Variants in TNS4 observed in about 807,000 individuals in gnomAD.
TNS4 encodes the protein tensin-4.
In TNS4, 46 loss-of-function variants were observed where a neutral mutation model predicts 70.4. That is an observed-to-expected ratio of 0.65 (90% CI 0.52 to 0.84). TNS4 has a LOEUF of 0.84. Ranked by LOEUF, TNS4 falls within the 40% of genes least tolerant of loss-of-function variation. TNS4 has a pLI of 0.00. For missense variants in TNS4, 863 were observed against 907.0 expected (o/e 0.95, Z 0.62); for synonymous variants, 390 against 366.6 (o/e 1.06, Z -0.73).
At chr17:40,495,923 A>G (rs1408861235) in intron 2 of TNS4, 64 bp downstream of exon 2, 2 of 1,525,354 alleles carry the variant, frequency 1.3e-6, no homozygotes, top group African/African-American at 2.8e-5. Flanking sequence ...ACATAGGAAA[A>G]TCCTTCTTCC....
At chr17:40,493,583 G>A (rs752003657) in intron 2 of TNS4, among the ~76,000 whole-genome samples, 7 of 152,210 alleles carry the variant, frequency 4.6e-5, no homozygotes, top group Non-Finnish European at 8.8e-5. Flanking sequence ...CCAGGCAGAC[G>A]TTAGAGGAAG....
At chr17:40,478,176 G>T in intron 12 of TNS4, 131 bp downstream of exon 12, 1 of 1,201,882 alleles carries the variant, frequency 8.3e-7, no homozygotes, top group Non-Finnish European at 1.2e-6. Context: ...CCCATCAGAT[G>T]GGAGCTCCCT....
chr17:40,482,618 A>G (rs1456419981), intron 6 of TNS4, among the ~76,000 whole-genome samples: 1 of 145,392 alleles, frequency 6.9e-6, no homozygotes, highest in East Asian at 2.1e-4. Flanking sequence ...ACACACACAC[A>G]GTCACACACA....
In TNS4 at chr17:40,480,602, C is replaced by CTGTGCGTG. The variant is rs2035908790; in HGVS notation, c.1741+90_1741+97dup. 3 of 1,177,960 alleles carry CTGTGCGTG rather than the reference C, an allele frequency of 2.5e-6. No individual in the cohort carries two copies. The South Asian group carries it at 6.2e-5, about 25-fold the overall frequency. 73.0% of individuals were successfully genotyped at this position (1,177,960 alleles called of 1,614,324 possible). Reference sequence around the variant, plus strand: ...GCTGAGATGGGAAACACGTGTGTGCCTGTGCGTGTGTGCGTGCATGCGTGC... The same window carrying CTGTGCGTG: ...GCTGAGATGGGAAACACGTGTGTGCCTGTGCGTGTGTGCGTGTGTGCGTGCATGCGTGC... On this transcript the variant is annotated intron_variant, in intron 9 of 12. Transcript: ENST00000254051.
intron 2 of TNS4, among the ~76,000 whole-genome samples, chr17:40,495,619 G>T (rs557196942): frequency 6.6e-6 from 1 of 152,170 alleles, no homozygotes; most frequent in African/African-American, 2.4e-5. Flanking sequence ...GGGGGCCCAG[G>T]TTAGGCTCTG....
Position 40,488,499 on chromosome 17 carries a change from C to T in TNS4, c.863+47G>A, listed in dbSNP as rs369331633. ...AGTGATTTTAGGGGGTGCATGCGTG[C>T]GTGTGCCTGTGTGTGTGTGTGCAAT... On this transcript the variant is annotated intron_variant, in intron 3 of 12. Coordinates refer to ENST00000254051, the MANE Select transcript of TNS4 (RefSeq NM_032865.6). 1.2e-4 allele frequency: 177 copies of T among 1,453,698 alleles called. 1 individual carries two copies. The highest frequency in any genetic ancestry group is 4.6e-4 in the Admixed American group (18 of 38,938). The allele number at this position is 1,453,698 out of a possible 1,614,324, so 90.0% of individuals were successfully genotyped here. A position where few individuals can be genotyped will look rare whatever the true frequency, so the allele number is the denominator to read the frequency against.
At position 40,482,278 on chromosome 17, in the gene TNS4, C is replaced by T. The variant is rs114717573; in HGVS notation, c.1594+46G>A. The T allele has an allele frequency of 2.4e-4, 395 of 1,613,954 alleles. 1 individual carries two copies. In the African/African-American group the frequency reaches 4.7e-3, roughly 19 times the overall value. On this transcript the variant is annotated intron_variant, in intron 7 of 12. Transcript: ENST00000254051. ...ACCCCTCAGCTCACAACGGAGACTT[C>T]GCTGGCCCCCCATCCCGGGGGAGCC... is the stretch of plus-strand genomic sequence containing the variant.
intron 12 of TNS4, 32 bp from the exon 13 acceptor site, chr17:40,477,761 G>A: frequency 6.2e-7 from 1 of 1,610,706 alleles, no homozygotes; most frequent in Non-Finnish European, 8.5e-7. Flanking sequence ...AGTGAGGGGT[G>A]GGACCCAGGG....
chr17:40,488,513 T>C, intron 3 of TNS4, 33 bp downstream of exon 3: 1 of 1,486,884 alleles, frequency 6.7e-7, no homozygotes. Flanking sequence ...TGCCTGTGTG[T>C]GTGTGTGCAA....
chr17:40,485,504 G>A (rs998452141), intron 4 of TNS4, among the ~76,000 whole-genome samples: 6 of 152,208 alleles, frequency 3.9e-5, no homozygotes, highest in East Asian at 1.9e-4. Context: ...CCTGGGAGGC[G>A]GGAGCCTGGA....
chr17:40,480,633 T>G, intron 9 of TNS4, 67 bp downstream of exon 9: 1 of 1,416,022 alleles, frequency 7.1e-7, no homozygotes, highest in Non-Finnish European at 9.3e-7. Context: ...CGTGCGTGTG[T>G]GCAGGGTTGG....
intron 6 of TNS4, among the ~76,000 whole-genome samples, chr17:40,483,904 A>C (rs2035958767): frequency 6.6e-6 from 1 of 152,142 alleles, no homozygotes; most frequent in South Asian, 2.1e-4. Context: ...GGTACCTTGT[A>C]CTGTAATCAT....
At chr17:40,488,414 C>T (rs2143807202) in intron 3 of TNS4, 132 bp downstream of exon 3, 1 of 783,084 alleles carries the variant, frequency 1.3e-6, no homozygotes, top group South Asian at 3.9e-5. Flanking sequence ...TAAAAGCAAA[C>T]ATTTGCTTCT....
In TNS4 at chr17:40,479,855, G is replaced by A. The variant is rs1200688088; in HGVS notation, c.1742-13C>T. ...AGGGTGTGGCAGCCTGTGGGAGGCA[G>A]ACACTGCGCTGGGGCCACTGACCCA... On this transcript the variant is annotated splice_polypyrimidine_tract_variant and intron_variant, in intron 9 of 12. Transcript: ENST00000254051. The A allele has an allele frequency of 6.2e-7, 1 of 1,603,598 alleles. No individual in the cohort carries two copies. The highest frequency in any genetic ancestry group is 2.2e-5 in the East Asian group (1 of 44,446).
intron 9 of TNS4, 37 bp downstream of exon 9, chr17:40,480,663 C>T: frequency 1.3e-6 from 2 of 1,483,310 alleles, no homozygotes; most frequent in Non-Finnish European, 1.8e-6. Context: ...TCTTGGGGCA[C>T]AGCCAAGCTT....
In TNS4 at chr17:40,496,243, C is replaced by T; in HGVS notation, c.183G>A (p.Gly61=). ...QALMAPVPCM[G]PPGRLQQAPQ... ...GGGCTTGCTGGAGTCGGCCAGGGGGCCCCATGCAGGGCACGGGGGCCATCA... is the reference window on the plus strand; with the variant it reads ...GGGCTTGCTGGAGTCGGCCAGGGGGTCCCATGCAGGGCACGGGGGCCATCA... The change falls in exon 2 of 13, where the codon GGG becomes GGA. Residue 61 remains glycine, a synonymous_variant. Transcript: ENST00000254051. The T allele has an allele frequency of 6.3e-7, 1 of 1,594,258 alleles. No individual in the cohort carries two copies. The highest frequency in any genetic ancestry group is 8.5e-7 in the Non-Finnish European group (1 of 1,170,858).
chr17:40,487,072 T>C lies in TNS4; in HGVS notation c.1252A>G (p.Thr418Ala). The C allele has an allele frequency of 6.2e-7, 1 of 1,614,188 alleles. No individual in the cohort carries two copies. Among genetic ancestry groups the C allele is most frequent in the Admixed American group, 1.7e-5 (1 of 60,024 alleles). The change falls in exon 4 of 13, where the codon ACC becomes GCC. Residue 418 changes from threonine (T) to alanine (A), a missense_variant. Coordinates refer to ENST00000254051, the MANE Select transcript of TNS4 (RefSeq NM_032865.6). ...PCPATRSNSQ[T>A]LSDAPFTTCP... Reference sequence around the variant, plus strand: ...GTGGTAAAGGGGGCATCTGACAGGGTCTGGCTGTTGCTCCTGGTGGCTGGA... The same window carrying C: ...GTGGTAAAGGGGGCATCTGACAGGGCCTGGCTGTTGCTCCTGGTGGCTGGA...
chr17:40,479,428 T>G (rs922554300), intron 10 of TNS4, among the ~76,000 whole-genome samples: 1 of 152,182 alleles, frequency 6.6e-6, no homozygotes, highest in African/African-American at 2.4e-5. Flanking sequence ...ATTACAGGCA[T>G]GAGCCACCGT....
chr17:40,490,916 G>A (rs1381400206), intron 2 of TNS4, among the ~76,000 whole-genome samples: 1 of 152,188 alleles, frequency 6.6e-6, no homozygotes, highest in Non-Finnish European at 1.5e-5. Context: ...GGTGAGGCTC[G>A]AGAGAGGAGC....
Sources: allele counts gnomAD v4.1 joint callset (sites outside exome capture counted in the v4.1 genomes callset), GRCh38; gene constraint gnomAD v4.1.1; transcripts MANE v1.5; gene names NCBI Gene and HGNC (gene_info 2026-07-23, HGNC 2026-07-21).